EEPD1: variants seen among roughly 807,000 people sequenced by gnomAD.
EEPD1 encodes the protein endonuclease/exonuclease/phosphatase family domain containing 1, also known as endonuclease/exonuclease/phosphatase family domain-containing protein 1.
Under a neutral mutation model 46.3 loss-of-function variants are expected in EEPD1, and 17 were observed. That is an observed-to-expected ratio of 0.37 (90% confidence interval 0.25 to 0.55). The LOEUF (loss-of-function observed/expected upper bound fraction) is 0.55, where lower values mean the gene tolerates loss of function less well. Ranked by LOEUF, EEPD1 falls within the 20% of genes least tolerant of loss-of-function variation. The pLI, the probability that EEPD1 is intolerant of heterozygous loss-of-function variation, is 0.83. For synonymous variants in EEPD1, 313 were observed against 315.6 expected (o/e 0.99, Z 0.09); for missense variants, 673 against 745.6 (o/e 0.90, Z 1.13).
Position 36,287,236 on chromosome 7 carries a change from CAAAAAAAAAAA to C in EEPD1, c.1177-386_1177-376del, listed in dbSNP as rs377318198. Among the ~76,000 whole-genome samples the C allele has an allele frequency of 6.6e-4, 28 of 42,208 alleles. 1 individual carries two copies. The highest frequency in any genetic ancestry group is 0.036 in the Middle Eastern group (1 of 28). The allele number at this position is 42,208 out of a possible 152,430, so 27.7% of individuals were successfully genotyped here. On this transcript the variant is annotated intron_variant, in intron 5 of 7. Transcript: ENST00000242108. ...TGGGTGACAGAGTGAGACTCCTTCT[CAAAAAAAAAAA>C]AAAAAAAAAAAAAAAAGTGCTGGAG...
chr7:36,187,959 G>A (rs777363156), intron 2 of EEPD1, among the ~76,000 whole-genome samples: 10 of 152,120 alleles, frequency 6.6e-5, no homozygotes, highest in Non-Finnish European at 1.3e-4. Flanking sequence ...CACCACGCCC[G>A]GCTAATTTTT....
intron 6 of EEPD1, among the ~76,000 whole-genome samples, chr7:36,296,653 A>T (rs1358916966): frequency 1.8e-4 from 23 of 130,006 alleles, no homozygotes; most frequent in African/African-American, 6.3e-4. Flanking sequence ...GCCCAGTAGT[A>T]TGTTGAGTTT....
At chr7:36,281,017 G>C in intron 3 of EEPD1, 98 bp from the exon 4 acceptor site, 1 of 938,258 alleles carries the variant, frequency 1.1e-6, no homozygotes, top group Non-Finnish European at 1.7e-6. Flanking sequence ...TAAGGCTGAT[G>C]ACTCAGAATC....
chr7:36,163,737 G>C (rs1328439664), intron 2 of EEPD1, among the ~76,000 whole-genome samples: 1 of 152,068 alleles, frequency 6.6e-6, no homozygotes, highest in African/African-American at 2.4e-5. Context: ...AATTAGCCAG[G>C]CGTGGTGGCG....
chr7:36,193,828 C>A lies in EEPD1; in HGVS notation c.878+38626C>A, dbSNP rs1044155062. Among the ~76,000 whole-genome samples, 4 of 152,194 alleles carry A rather than the reference C, an allele frequency of 2.6e-5. No individual in the cohort carries two copies. The East Asian group carries it at 5.8e-4, about 22-fold the overall frequency. ...GGTGCCCTCTCTTTATGGCTGCCAC[C>A]TCCCTCTGGGAGGGCCTGGGGGACC... On this transcript the variant is annotated intron_variant, in intron 2 of 7. Transcript: ENST00000242108. The surrounding 1 kb of genome is among the most constrained non-coding windows in gnomAD (Gnocchi z 4.9).
chr7:36,238,875 T>C (rs1246414678), intron 2 of EEPD1, 110 bp from the exon 3 acceptor site: 2 of 1,052,696 alleles, frequency 1.9e-6, no homozygotes, highest in Non-Finnish European at 1.3e-6. Context: ...GCAGGTGACA[T>C]AGAAATGCAG....
At chr7:36,231,650 C>T (rs1786331956) in intron 2 of EEPD1, among the ~76,000 whole-genome samples, 3 of 152,272 alleles carry the variant, frequency 2.0e-5, no homozygotes, top group Middle Eastern at 3.4e-3. Flanking sequence ...TTCATCTTGT[C>T]CCCCAGACAC....
chr7:36,171,999 G>T (rs951902503), intron 2 of EEPD1, among the ~76,000 whole-genome samples: 4 of 152,132 alleles, frequency 2.6e-5, no homozygotes, highest in Admixed American at 2.6e-4. Context: ...GCTTATAGAT[G>T]TTTATGTTAA....
At chr7:36,202,924 A>G (rs957681898) in intron 2 of EEPD1, among the ~76,000 whole-genome samples, 1 of 152,204 alleles carries the variant, frequency 6.6e-6, no homozygotes, top group Non-Finnish European at 1.5e-5. Flanking sequence ...CATCTGAAGC[A>G]GGACAGTCAA....
chr7:36,283,584 G>A (rs1427034688), intron 4 of EEPD1, among the ~76,000 whole-genome samples: 1 of 152,168 alleles, frequency 6.6e-6, no homozygotes, highest in Non-Finnish European at 1.5e-5. Context: ...AGGGTCCCGC[G>A]GCTAAGTGAC....
chr7:36,276,635 A>C (rs1787186083), intron 3 of EEPD1, among the ~76,000 whole-genome samples: 1 of 152,244 alleles, frequency 6.6e-6, no homozygotes, highest in Non-Finnish European at 1.5e-5. Flanking sequence ...CTGTCTTCCC[A>C]GGCCACAGGA....
intron 3 of EEPD1, among the ~76,000 whole-genome samples, chr7:36,244,374 C>T (rs1583830250): frequency 6.6e-6 from 1 of 152,150 alleles, no homozygotes; most frequent in African/African-American, 2.4e-5. Flanking sequence ...TTATGTAAAA[C>T]CTAATATAAA....
At chr7:36,185,096 G>C (rs1785342803) in intron 2 of EEPD1, among the ~76,000 whole-genome samples, 2 of 152,154 alleles carry the variant, frequency 1.3e-5, no homozygotes, top group South Asian at 4.1e-4. Flanking sequence ...CCATTACTTT[G>C]AAGCTCCCTT....
At chr7:36,222,721 C>T (rs780420759) in intron 2 of EEPD1, among the ~76,000 whole-genome samples, 3 of 152,198 alleles carry the variant, frequency 2.0e-5, no homozygotes, top group African/African-American at 4.8e-5. Flanking sequence ...TTTCCTAGTT[C>T]ATAGATGGCA....
At chr7:36,236,835 A>T (rs377244869) in intron 2 of EEPD1, among the ~76,000 whole-genome samples, 1 of 152,286 alleles carries the variant, frequency 6.6e-6, no homozygotes, top group East Asian at 1.9e-4. Context: ...TGTAAAATGG[A>T]CCAGTCAGCT....
chr7:36,261,741 A>G (rs921798261), intron 3 of EEPD1, among the ~76,000 whole-genome samples: 4 of 152,228 alleles, frequency 2.6e-5, no homozygotes, highest in Admixed American at 1.3e-4. Context: ...TTTTTGCTAC[A>G]TTGCTAAACA....
chr7:36,207,367 A>T (rs1412650002), intron 2 of EEPD1, among the ~76,000 whole-genome samples: 1 of 152,234 alleles, frequency 6.6e-6, no homozygotes. Flanking sequence ...TGTGCTGGGC[A>T]GATAAGTGAG....
chr7:36,218,125 C>T (rs150114540), intron 2 of EEPD1, among the ~76,000 whole-genome samples: 137 of 152,228 alleles, frequency 9.0e-4, no homozygotes, highest in African/African-American at 3.1e-3. Context: ...TTAAGAACTG[C>T]GTAACGGTCC....
chr7:36,168,525 C>T (rs1263800175), intron 2 of EEPD1, among the ~76,000 whole-genome samples: 1 of 152,052 alleles, frequency 6.6e-6, no homozygotes, highest in Non-Finnish European at 1.5e-5. Context: ...GAGGCTGAGG[C>T]GGGTGGATCA....
Sources: allele counts gnomAD v4.1 joint callset (sites outside exome capture counted in the v4.1 genomes callset), GRCh38; gene constraint gnomAD v4.1.1; non-coding constraint Gnocchi (gnomAD v3.1); transcripts MANE v1.5; gene names NCBI Gene and HGNC (gene_info 2026-07-23, HGNC 2026-07-21).